RSPH9: variants seen among roughly 807,000 people sequenced by gnomAD.
RSPH9 encodes radial spoke head component 9.
Under a neutral mutation model 27.0 loss-of-function variants are expected in RSPH9, and 27 were observed. That is an observed-to-expected ratio of 1.00 (90% confidence interval 0.74 to 1.38). The LOEUF (loss-of-function observed/expected upper bound fraction) is 1.38. Ranked by LOEUF, RSPH9 falls within the 40% of genes most tolerant of loss-of-function variation. RSPH9 has a pLI of 0.00. For synonymous variants in RSPH9, 145 were observed against 147.7 expected (o/e 0.98, Z 0.13); for missense variants, 347 against 357.4 (o/e 0.97, Z 0.24).
intron 3 of RSPH9, among the ~76,000 whole-genome samples, chr6:43,656,227 A>G (rs1270132765): frequency 6.6e-6 from 1 of 152,128 alleles, no homozygotes; most frequent in Admixed American, 6.6e-5. Flanking sequence ...CTGGGATTAC[A>G]GACACCCTCT....
intron 4 of RSPH9, among the ~76,000 whole-genome samples, chr6:43,663,431 C>T (rs1352725037): frequency 1.3e-5 from 2 of 152,072 alleles, no homozygotes; most frequent in African/African-American, 4.8e-5. Context: ...GTTGGCCAGG[C>T]TGGTCTCAAA....
intron 2 of RSPH9, among the ~76,000 whole-genome samples, chr6:43,652,112 C>T (rs1333766166): frequency 1.7e-4 from 25 of 151,474 alleles, no homozygotes; most frequent in Admixed American, 1.6e-3. Context: ...TGAGACCATC[C>T]TGGCTAACAC....
intron 2 of RSPH9, among the ~76,000 whole-genome samples, chr6:43,653,690 T>C (rs984349409): frequency 1.3e-5 from 2 of 152,088 alleles, no homozygotes; most frequent in Non-Finnish European, 2.9e-5. Context: ...TGACTTAATC[T>C]TCCTGAGCCT....
rs755329599 is a variant in RSPH9, at chr6:43,670,943, G to A, written c.825G>A (p.Met275Ile). The part of the protein sequence containing the change: ...TGEKNMDLPF[M>I]L Reference sequence around the variant, plus strand: ...AGAAGAACATGGACTTGCCCTTCATGCTATAGAATGGGAGCCAGCCTGGAT... The same window carrying A: ...AGAAGAACATGGACTTGCCCTTCATACTATAGAATGGGAGCCAGCCTGGAT... The change falls in exon 5 of 5, where the codon ATG becomes ATA. Residue 275 changes from methionine (M) to isoleucine (I), a missense_variant. Coordinates refer to ENST00000372163, the MANE Select transcript of RSPH9 (RefSeq NM_152732.5). 18 of 1,614,036 alleles carry A rather than the reference G, an allele frequency of 1.1e-5. No individual in the cohort carries two copies. The African/African-American group carries it at 2.3e-4, about 20-fold the overall frequency.
chr6:43,668,929 A>G (rs1309799283), intron 4 of RSPH9, among the ~76,000 whole-genome samples: 1 of 152,140 alleles, frequency 6.6e-6, no homozygotes, highest in Non-Finnish European at 1.5e-5. Context: ...TCCAAGGCTG[A>G]AGCAGTGGAG....
intron 3 of RSPH9, among the ~76,000 whole-genome samples, chr6:43,655,914 G>A (rs1771961582): frequency 6.6e-6 from 1 of 152,122 alleles, no homozygotes; most frequent in Non-Finnish European, 1.5e-5. Flanking sequence ...GAGTGGGAGA[G>A]CATATAGTCC....
chr6:43,646,263 C>CT (rs1481293036), intron 1 of RSPH9, among the ~76,000 whole-genome samples: 4 of 152,060 alleles, frequency 2.6e-5, no homozygotes, highest in Non-Finnish European at 5.9e-5. Context: ...TCCCGAGTGG[C>CT]TGGGACTACA....
intron 4 of RSPH9, among the ~76,000 whole-genome samples, chr6:43,665,525 G>A (rs1346681371): frequency 1.3e-5 from 2 of 152,230 alleles, no homozygotes; most frequent in East Asian, 3.8e-4. Flanking sequence ...TCAGGCCTAT[G>A]GGAGGTGTGG....
intron 4 of RSPH9, among the ~76,000 whole-genome samples, chr6:43,664,232 T>A (rs1257937749): frequency 1.3e-5 from 2 of 151,936 alleles, no homozygotes; most frequent in Non-Finnish European, 2.9e-5. Context: ...TGATGATTAT[T>A]TTGAGACAGA....
intron 4 of RSPH9, chr6:43,666,584 G>C: frequency 9.5e-7 from 1 of 1,051,026 alleles, no homozygotes; most frequent in Non-Finnish European, 1.4e-6. Context: ...TGGCTGAAGA[G>C]AGGAGTGGGA....
intron 2 of RSPH9, among the ~76,000 whole-genome samples, chr6:43,653,167 T>C (rs1286237982): frequency 6.6e-6 from 1 of 152,020 alleles, no homozygotes; most frequent in Non-Finnish European, 1.5e-5. Context: ...TAAATGACCA[T>C]ATAGCTGGGC....
At chr6:43,655,838 G>C in intron 3 of RSPH9, 147 bp downstream of exon 3, 2 of 967,138 alleles carry the variant, frequency 2.1e-6, no homozygotes, top group Non-Finnish European at 1.6e-6. Flanking sequence ...GGTGTGCCCA[G>C]TGACCTGGCA....
intron 4 of RSPH9, 124 bp from the exon 5 acceptor site, chr6:43,670,665 G>C (rs1773622918): frequency 1.4e-6 from 1 of 733,094 alleles, no homozygotes; most frequent in East Asian, 2.6e-5. Flanking sequence ...GAATTAAATG[G>C]TCTCTCCCCA....
intron 1 of RSPH9, among the ~76,000 whole-genome samples, chr6:43,648,322 G>A (rs1472120339): frequency 1.3e-5 from 2 of 152,160 alleles, no homozygotes; most frequent in African/African-American, 4.8e-5. Flanking sequence ...AGTTTGGTCA[G>A]GGATAGCCTC....
chr6:43,655,485 G>A, intron 2 of RSPH9, 77 bp from the exon 3 acceptor site: 1 of 1,552,300 alleles, frequency 6.4e-7, no homozygotes, highest in South Asian at 1.1e-5. Context: ...CGGGTGAGAT[G>A]GCCGTGCAGA....
intron 4 of RSPH9, among the ~76,000 whole-genome samples, chr6:43,662,589 G>A (rs1464717935): frequency 1.3e-5 from 2 of 151,802 alleles, no homozygotes; most frequent in East Asian, 2.0e-4. Context: ...GGATGGTCTC[G>A]ATCTCCTGAC....
intron 3 of RSPH9, among the ~76,000 whole-genome samples, chr6:43,656,110 T>C (rs1772023184): frequency 7.1e-6 from 1 of 140,630 alleles, no homozygotes; most frequent in East Asian, 2.3e-4. Context: ...TTCTTGATGG[T>C]GTTTTGCTCT....
At chr6:43,664,748 G>T (rs60491643) in intron 4 of RSPH9, among the ~76,000 whole-genome samples, 3 of 152,184 alleles carry the variant, frequency 2.0e-5, no homozygotes, top group African/African-American at 7.2e-5. Flanking sequence ...CAAGTAGGGG[G>T]ATATGAAGAG....
chr6:43,647,036 G>A (rs1770953831), intron 1 of RSPH9, among the ~76,000 whole-genome samples: 1 of 152,016 alleles, frequency 6.6e-6, no homozygotes, highest in Non-Finnish European at 1.5e-5. Flanking sequence ...TCGGTAGGCT[G>A]AGGTGGGAGG....
Sources: gnomAD v4.1 joint callset for allele counts (sites outside exome capture counted in the v4.1 genomes callset) on GRCh38, gnomAD v4.1.1 for gene constraint, MANE v1.5 for transcripts, NCBI Gene and HGNC (gene_info 2026-07-23, HGNC 2026-07-21) for gene names.